The following HTR4 variants were observed in gnomAD, a reference collection of about 807,000 sequenced individuals.
HTR4 encodes 5-hydroxytryptamine (serotonin) receptor 4, G protein-coupled.
Under a neutral mutation model 36.8 loss-of-function variants are expected in HTR4, and 16 were observed. The observed-to-expected ratio is 0.43, with a 90% CI of 0.29 to 0.66. HTR4 has a LOEUF of 0.66. Ranked by LOEUF, HTR4 falls within the 30% of genes least tolerant of loss-of-function variation. The probability of loss-of-function intolerance (pLI) is 0.13; values close to 1 mark genes in which losing one functional copy is unlikely to be tolerated. For missense variants in HTR4, 438 were observed against 490.9 expected, an observed-to-expected ratio of 0.89 and a Z score of 1.02; for synonymous variants, 189 against 185.1, an observed-to-expected ratio of 1.02 and a Z score of -0.17.
intron 2 of HTR4, among the ~76,000 whole-genome samples, chr5:148,574,292 G>T (rs1760797122): frequency 1.3e-5 from 2 of 152,002 alleles, no homozygotes; most frequent in Non-Finnish European, 2.9e-5. Flanking sequence ...GTGAGAAAAT[G>T]CACTGCTATT....
chr5:148,551,323 T>C (rs1276019077), intron 2 of HTR4, among the ~76,000 whole-genome samples: 1 of 152,234 alleles, frequency 6.6e-6, no homozygotes, highest in African/African-American at 2.4e-5. Context: ...CTGTGAAGTC[T>C]GTTGGAGAGA....
At chr5:148,473,509 C>T (rs1755623886), downstream of HTR4, among the ~76,000 whole-genome samples, 1 of 152,116 alleles carries the variant, frequency 6.6e-6, no homozygotes, top group South Asian at 2.1e-4. Flanking sequence ...GAATTTGTTG[C>T]CCAGTCCTAC....
chr5:148,479,133 A>T (rs1367687090), downstream of HTR4, among the ~76,000 whole-genome samples: 2 of 152,094 alleles, frequency 1.3e-5, no homozygotes, highest in East Asian at 3.9e-4. Context: ...GCTGGACAGG[A>T]TCCCCATCCT....
intron 5 of HTR4, among the ~76,000 whole-genome samples, chr5:148,521,638 T>C (rs2113794324): frequency 6.6e-6 from 1 of 152,046 alleles, no homozygotes; most frequent in South Asian, 2.1e-4. Context: ...TCCCTTTCTC[T>C]CTCTCTACAC....
At chr5:148,488,697 TA>T (rs1171182827) in intron 6 of HTR4, among the ~76,000 whole-genome samples, 1 of 152,166 alleles carries the variant, frequency 6.6e-6, no homozygotes, top group East Asian at 1.9e-4. Context: ...GGCAAGGACA[TA>T]AAGCAATGCA....
At chr5:148,647,488 A>G (rs1278201316) in intron 1 of HTR4, among the ~76,000 whole-genome samples, 4 of 152,200 alleles carry the variant, frequency 2.6e-5, no homozygotes, top group Non-Finnish European at 5.9e-5. Context: ...TTGCCCTGCC[A>G]CTACCTGAAC....
At chr5:148,475,480 A>G (rs1368716804), downstream of HTR4, among the ~76,000 whole-genome samples, 3 of 152,182 alleles carry the variant, frequency 2.0e-5, no homozygotes, top group Non-Finnish European at 4.4e-5. Context: ...TAAGAGGCAT[A>G]TTAGGAGTGT....
intron 6 of HTR4, among the ~76,000 whole-genome samples, chr5:148,492,804 G>T (rs1756513629): frequency 6.6e-6 from 1 of 152,192 alleles, no homozygotes; most frequent in Non-Finnish European, 1.5e-5. Flanking sequence ...GACACTAAAT[G>T]GTAGATCTCA....
At chr5:148,476,737 G>T (rs1755710669), downstream of HTR4, 1 of 1,613,490 alleles carries the variant, frequency 6.2e-7, no homozygotes, top group Non-Finnish European at 8.5e-7. Context: ...TCCTCAAGGA[G>T]CTCAAAATCT....
At chr5:148,490,763 T>G (rs536136261) in intron 6 of HTR4, 1 of 1,204,326 alleles carries the variant, frequency 8.3e-7, no homozygotes, top group Non-Finnish European at 1.1e-6. Context: ...GAAATACATG[T>G]TCTTATAACC....
intron 1 of HTR4, among the ~76,000 whole-genome samples, chr5:148,650,655 G>T (rs1484406838): frequency 6.6e-6 from 1 of 152,062 alleles, no homozygotes; most frequent in Non-Finnish European, 1.5e-5. Flanking sequence ...AAAAATAAAG[G>T]TATAATTCAC....
chr5:148,487,740 C>A (rs532193070), intron 6 of HTR4, among the ~76,000 whole-genome samples: 3 of 151,918 alleles, frequency 2.0e-5, no homozygotes, highest in Admixed American at 1.3e-4. Context: ...GTAGAGAGAG[C>A]GAGCTTAGAG....
chr5:148,601,760 G>A (rs1433872098), intron 2 of HTR4, among the ~76,000 whole-genome samples: 5 of 152,004 alleles, frequency 3.3e-5, no homozygotes, highest in East Asian at 1.9e-4. Flanking sequence ...AAGGTGGTGC[G>A]GCCACACTCC....
At chr5:148,599,558 A>G (rs2127266988) in intron 2 of HTR4, among the ~76,000 whole-genome samples, 1 of 152,260 alleles carries the variant, frequency 6.6e-6, no homozygotes, top group South Asian at 2.1e-4. Context: ...AAAGTGAAAA[A>G]AAATGAAAAC....
At chr5:148,520,908 T>G (rs748220806) in intron 5 of HTR4, 15 of 1,367,796 alleles carry the variant, frequency 1.1e-5, no homozygotes, top group Non-Finnish European at 1.5e-5. Flanking sequence ...TAAGGAATAC[T>G]TGTTCTGACA....
chr5:148,620,822 G>A (rs1202913726), intron 2 of HTR4, among the ~76,000 whole-genome samples: 1 of 152,114 alleles, frequency 6.6e-6, no homozygotes, highest in Non-Finnish European at 1.5e-5. Context: ...AGGAAGCCTT[G>A]ACTTAGCCCT....
chr5:148,575,726 A>T (rs1225612022), intron 2 of HTR4, among the ~76,000 whole-genome samples: 7 of 152,104 alleles, frequency 4.6e-5, no homozygotes, highest in Admixed American at 4.6e-4. Flanking sequence ...GCTACATAGG[A>T]GTAAAAAAGT....
At chr5:148,572,807 A>C (rs924673620) in intron 2 of HTR4, among the ~76,000 whole-genome samples, 1 of 152,036 alleles carries the variant, frequency 6.6e-6, no homozygotes, top group Non-Finnish European at 1.5e-5. Context: ...ACATGTTTTC[A>C]CTGTCCCTCA....
intron 2 of HTR4, among the ~76,000 whole-genome samples, chr5:148,620,119 C>A (rs763428864): frequency 6.6e-6 from 1 of 152,160 alleles, no homozygotes; most frequent in Non-Finnish European, 1.5e-5. Context: ...CAAGGTCAGA[C>A]AAGGGCAGAG....
Sources: allele counts gnomAD v4.1 joint callset (sites outside exome capture counted in the v4.1 genomes callset), GRCh38; gene constraint gnomAD v4.1.1; transcripts MANE v1.5; gene names NCBI Gene and HGNC (gene_info 2026-07-23, HGNC 2026-07-21).